IL5RA: variants seen among roughly 807,000 people sequenced by gnomAD.
IL5RA encodes interleukin-5 receptor subunit alpha.
A neutral mutation model predicts 50.0 loss-of-function variants in IL5RA; 49 were observed. The ratio of observed to expected loss-of-function variants is 0.98; its 90% CI spans 0.78 to 1.24. The LOEUF is 1.24. Among genes scored for constraint, IL5RA ranks in the 50% most tolerant of loss-of-function variants. The pLI, the probability that IL5RA is intolerant of heterozygous loss-of-function variation, is 0.00. For missense variants in IL5RA, 600 were observed against 500.4 expected (o/e 1.20, Z -1.90); for synonymous variants, 202 against 174.0 (o/e 1.16, Z -1.26).
At chr3:3,090,339 G>T in intron 9 of IL5RA, 1 of 981,754 alleles carries the variant, frequency 1.0e-6, no homozygotes, top group Non-Finnish European at 1.6e-6. Context: ...GGCTTTCTAT[G>T]TAAGGCTCCA....
Position 3,069,889 on chromosome 3 carries a change from C to T in IL5RA, c.*336G>A, listed in dbSNP as rs1159210225. On this transcript the variant is annotated 3_prime_UTR_variant, in exon 12 of 12. Transcript: ENST00000446632. Reference sequence around the variant, plus strand: ...AGAAGTAAATACAGCTGGACGTTAGCCTTAAAAGCTGTCTGTTGTGAATGA... The same window carrying T: ...AGAAGTAAATACAGCTGGACGTTAGTCTTAAAAGCTGTCTGTTGTGAATGA... 1 of 202,666 alleles carries T rather than the reference C, an allele frequency of 4.9e-6. No homozygotes were observed. The highest frequency in any genetic ancestry group is 9.8e-6 in the Non-Finnish European group (1 of 101,606). 12.6% of individuals were successfully genotyped at this position (202,666 alleles called of 1,614,324 possible).
At chr3:3,074,323 G>A (rs1702404720) in intron 11 of IL5RA, among the ~76,000 whole-genome samples, 1 of 152,174 alleles carries the variant, frequency 6.6e-6, no homozygotes, top group African/African-American at 2.4e-5. Context: ...TATTATACCA[G>A]AAAGAAATTC....
intron 11 of IL5RA, among the ~76,000 whole-genome samples, chr3:3,070,675 C>T (rs555158007): frequency 6.6e-6 from 1 of 150,464 alleles, no homozygotes; most frequent in Non-Finnish European, 1.5e-5. Flanking sequence ...CTCCACCTCC[C>T]AGGTTCAAGT....
At chr3:3,106,627 A>G (rs1185871991) in intron 2 of IL5RA, among the ~76,000 whole-genome samples, 1 of 152,202 alleles carries the variant, frequency 6.6e-6, no homozygotes, top group African/African-American at 2.4e-5. Flanking sequence ...ATTTTCAACA[A>G]GTGAGAATTT....
At chr3:3,079,124 T>C (rs1204986532) in intron 9 of IL5RA, among the ~76,000 whole-genome samples, 1 of 152,186 alleles carries the variant, frequency 6.6e-6, no homozygotes, top group Non-Finnish European at 1.5e-5. Flanking sequence ...CCCTTTGCTA[T>C]TTTCCACTGT....
chr3:3,097,019 A>G (rs1321146286), intron 7 of IL5RA, among the ~76,000 whole-genome samples: 1 of 152,212 alleles, frequency 6.6e-6, no homozygotes, highest in East Asian at 1.9e-4. Context: ...CCAGTGGTGG[A>G]GCCAGGATCC....
intron 2 of IL5RA, among the ~76,000 whole-genome samples, chr3:3,105,770 G>C (rs1434621209): frequency 6.6e-6 from 1 of 152,178 alleles, no homozygotes; most frequent in Non-Finnish European, 1.5e-5. Flanking sequence ...TGATAACCCA[G>C]TGTGAACACA....
At chr3:3,076,131 C>A (rs1702474081) in intron 10 of IL5RA, among the ~76,000 whole-genome samples, 1 of 152,118 alleles carries the variant, frequency 6.6e-6, no homozygotes, top group African/African-American at 2.4e-5. Flanking sequence ...AGGATGATGA[C>A]ATGCAGGCAT....
chr3:3,110,140 T>G lies in IL5RA; in HGVS notation c.-341A>C, dbSNP rs1704114457. 6.6e-6 allele frequency: 1 copy of G among 152,166 alleles called. No homozygotes were observed. The highest frequency in any genetic ancestry group is 2.4e-5 in the African/African-American group (1 of 41,452). 9.4% of individuals were successfully genotyped at this position (152,166 alleles called of 1,614,324 possible). On this transcript the variant is annotated 5_prime_UTR_variant, in exon 1 of 12. Coordinates refer to ENST00000446632, the MANE Select transcript of IL5RA (RefSeq NM_175726.4). ...TTCTCTAAGCAAATATGGAGGAGGA[T>G]TTGTACAGAGCAACTGTGCAGGAGC...
chr3:3,096,570 C>T (rs1481085546), intron 7 of IL5RA, among the ~76,000 whole-genome samples: 1 of 152,130 alleles, frequency 6.6e-6, no homozygotes, highest in Non-Finnish European at 1.5e-5. Context: ...TCCTAGGAAT[C>T]AGCCTCAATA....
intron 3 of IL5RA, among the ~76,000 whole-genome samples, chr3:3,104,500 T>C (rs1703809677): frequency 6.6e-6 from 1 of 152,176 alleles, no homozygotes. Flanking sequence ...CATGTGATGA[T>C]TTTCCTTAAA....
chr3:3,084,139 A>G (rs1702767697), intron 9 of IL5RA, among the ~76,000 whole-genome samples: 1 of 151,870 alleles, frequency 6.6e-6, no homozygotes, highest in Non-Finnish European at 1.5e-5. Context: ...TCCAGCTTCT[A>G]TGTCCTGCAT....
intron 1 of IL5RA, among the ~76,000 whole-genome samples, chr3:3,109,147 T>G (rs1441011073): frequency 7.0e-6 from 1 of 143,442 alleles, no homozygotes. Context: ...TTTTTCCCCC[T>G]TTTTTTTGGT....
chr3:3,095,817 C>G (rs757300303), intron 7 of IL5RA, among the ~76,000 whole-genome samples: 11 of 152,130 alleles, frequency 7.2e-5, no homozygotes, highest in African/African-American at 2.7e-4. Flanking sequence ...TTCCCTGGAC[C>G]TTCCACCAAG....
intron 11 of IL5RA, among the ~76,000 whole-genome samples, chr3:3,074,209 G>A (rs1420992587): frequency 1.3e-5 from 2 of 152,196 alleles, no homozygotes; most frequent in Non-Finnish European, 2.9e-5. Flanking sequence ...AAGAGCTAAA[G>A]TTCCCTCTGA....
At chr3:3,094,340 C>T (rs1394191173) in intron 8 of IL5RA, among the ~76,000 whole-genome samples, 1 of 152,214 alleles carries the variant, frequency 6.6e-6, no homozygotes, top group Non-Finnish European at 1.5e-5. Flanking sequence ...TATTTAACCT[C>T]ATAAAAGTAG....
intron 3 of IL5RA, among the ~76,000 whole-genome samples, chr3:3,103,282 T>C (rs997561713): frequency 6.6e-6 from 1 of 152,230 alleles, no homozygotes; most frequent in Non-Finnish European, 1.5e-5. Context: ...AATATGAACA[T>C]GTTACTATAT....
chr3:3,085,357 G>A (rs1459018583), intron 9 of IL5RA, among the ~76,000 whole-genome samples: 2 of 152,212 alleles, frequency 1.3e-5, no homozygotes, highest in Non-Finnish European at 2.9e-5. Context: ...AAGGCCTAGG[G>A]ATAGCTCATG....
chr3:3,078,444 T>G (rs1702558397), intron 9 of IL5RA, among the ~76,000 whole-genome samples: 1 of 152,234 alleles, frequency 6.6e-6, no homozygotes, highest in South Asian at 2.1e-4. Context: ...CTTTCAAATA[T>G]TCATAGAGTC....
Sources: gnomAD v4.1 joint callset for allele counts (sites outside exome capture counted in the v4.1 genomes callset) on GRCh38, gnomAD v4.1.1 for gene constraint, MANE v1.5 for transcripts, NCBI Gene and HGNC (gene_info 2026-07-23, HGNC 2026-07-21) for gene names.